Variants in PTPRK observed in about 807,000 individuals in gnomAD.
PTPRK encodes receptor-type tyrosine-protein phosphatase kappa.
PTPRK carries 75 observed loss-of-function variants against 178.0 expected under a neutral mutation model. That is an observed-to-expected ratio of 0.42 (90% confidence interval 0.35 to 0.51). The LOEUF (loss-of-function observed/expected upper bound fraction) is 0.51. PTPRK is among the 20% of genes least tolerant of loss of function. The pLI is 0.02. For missense variants in PTPRK, 1,441 were observed against 1,797.8 expected (o/e 0.80, Z 3.59); for synonymous variants, 637 against 620.6 (o/e 1.03, Z -0.39).
chr6:128,387,771 G>A (rs1838962942), intron 2 of PTPRK, among the ~76,000 whole-genome samples: 1 of 152,072 alleles, frequency 6.6e-6, no homozygotes, highest in Non-Finnish European at 1.5e-5. Flanking sequence ...GATAAGGTAA[G>A]CTTACTAGGG....
intron 1 of PTPRK, among the ~76,000 whole-genome samples, chr6:128,484,077 C>G (rs1852473376): frequency 6.6e-6 from 1 of 152,044 alleles, no homozygotes; most frequent in African/African-American, 2.4e-5. Context: ...AAGTGCCCTT[C>G]AAATATAATT....
chr6:128,402,182 A>G (rs1355698076), intron 1 of PTPRK, among the ~76,000 whole-genome samples: 2 of 152,240 alleles, frequency 1.3e-5, no homozygotes, highest in South Asian at 2.1e-4. Flanking sequence ...TCTATTGATA[A>G]TCTGAGTAAT....
rs533481551 is a variant in PTPRK, at chr6:128,198,511, T to C, written c.869-13786A>G. Among the ~76,000 whole-genome samples the C allele has an allele frequency of 3.1e-3, 478 of 152,174 alleles. 1 individual carries two copies. The highest frequency in any genetic ancestry group is 0.011 in the African/African-American group (467 of 41,530). ...TAGGGGAGGGATAGCATTAGGAGAATTACCTAATGTAGGTGATGGGTTGAT... is the reference window on the plus strand; with the variant it reads ...TAGGGGAGGGATAGCATTAGGAGAACTACCTAATGTAGGTGATGGGTTGAT... On this transcript the variant is annotated intron_variant, in intron 6 of 29. Coordinates refer to ENST00000368226, the MANE Select transcript of PTPRK (RefSeq NM_002844.4).
At chr6:128,213,824 A>T (rs1212218078) in intron 6 of PTPRK, among the ~76,000 whole-genome samples, 1 of 152,144 alleles carries the variant, frequency 6.6e-6, no homozygotes, top group Admixed American at 6.6e-5. Flanking sequence ...GGTCAAATCA[A>T]TATTATTTTT....
At chr6:128,321,531 A>T (rs1382461725) in intron 3 of PTPRK, 2 of 378,894 alleles carry the variant, frequency 5.3e-6, no homozygotes, top group Non-Finnish European at 9.3e-6. Context: ...TATTCAATTA[A>T]TTAATCAAAA....
At chr6:128,297,846 G>A (rs1401499139) in intron 3 of PTPRK, among the ~76,000 whole-genome samples, 1 of 152,126 alleles carries the variant, frequency 6.6e-6, no homozygotes, top group Non-Finnish European at 1.5e-5. Flanking sequence ...ACATTCAAAA[G>A]CTAGCGGAAG....
intron 7 of PTPRK, among the ~76,000 whole-genome samples, chr6:128,151,271 T>TA (rs1426666735): frequency 1.3e-5 from 2 of 152,086 alleles, no homozygotes; most frequent in Non-Finnish European, 2.9e-5. Context: ...ACTATATTTT[T>TA]AAAATCCCAT....
At position 128,270,869 on chromosome 6, in the gene PTPRK, G is replaced by A. The variant is rs144077904; in HGVS notation, c.496-28267C>T. ...TAAGGAGACATCAGTGTACCAATCA[G>A]GCATTAAGAGACCAATGCTTTGTTT... On this transcript the variant is annotated intron_variant, in intron 3 of 29. Coordinates refer to ENST00000368226, the MANE Select transcript of PTPRK (RefSeq NM_002844.4). Among the ~76,000 whole-genome samples, 481 of 152,086 alleles carry A rather than the reference G, an allele frequency of 3.2e-3. 3 individuals are homozygous for A. The highest frequency in any genetic ancestry group is 0.011 in the African/African-American group (452 of 41,516).
intron 3 of PTPRK, among the ~76,000 whole-genome samples, chr6:128,263,545 A>C (rs969916146): frequency 6.6e-6 from 1 of 152,230 alleles, no homozygotes; most frequent in Non-Finnish European, 1.5e-5. Flanking sequence ...AATACAGCAG[A>C]TATAAAGCAA....
At chr6:128,003,143 T>G in intron 15 of PTPRK, 2 of 1,527,176 alleles carry the variant, frequency 1.3e-6, no homozygotes, top group Non-Finnish European at 1.8e-6. Context: ...GGCAAACCCA[T>G]GCAAGGAGGT....
intron 3 of PTPRK, among the ~76,000 whole-genome samples, chr6:128,281,339 A>T (rs971784245): frequency 1.3e-5 from 2 of 152,228 alleles, no homozygotes; most frequent in Non-Finnish European, 2.9e-5. Flanking sequence ...CACTTATCCA[A>T]AAATGATCTG....
At chr6:128,029,127 C>T (rs551296559) in intron 13 of PTPRK, among the ~76,000 whole-genome samples, 1 of 152,226 alleles carries the variant, frequency 6.6e-6, no homozygotes, top group Non-Finnish European at 1.5e-5. Context: ...TTGGCTCTCT[C>T]ACGAATGCCT....
At chr6:128,148,873 A>G (rs1796869490) in intron 7 of PTPRK, among the ~76,000 whole-genome samples, 1 of 152,074 alleles carries the variant, frequency 6.6e-6, no homozygotes, top group Non-Finnish European at 1.5e-5. Flanking sequence ...TTTGCATGTT[A>G]ATTAGCCTTG....
intron 6 of PTPRK, among the ~76,000 whole-genome samples, chr6:128,196,855 T>C (rs116830289): frequency 0.028 from 4,336 of 152,232 alleles, 143 homozygotes; most frequent in African/African-American, 0.08. Flanking sequence ...CCTATCCTTT[T>C]CCACGCTCAG....
intron 14 of PTPRK, among the ~76,000 whole-genome samples, chr6:128,008,448 T>C (rs1452989145): frequency 1.3e-5 from 2 of 150,990 alleles, no homozygotes; most frequent in Non-Finnish European, 1.5e-5. Context: ...GCATTTTATA[T>C]AATGTACAAT....
At chr6:128,337,643 AC>A (rs2128329073) in intron 2 of PTPRK, among the ~76,000 whole-genome samples, 1 of 152,332 alleles carries the variant, frequency 6.6e-6, no homozygotes. Context: ...TCTAACAGAT[AC>A]CATTTCAGTA....
intron 2 of PTPRK, among the ~76,000 whole-genome samples, chr6:128,351,406 G>A (rs918704037): frequency 6.6e-6 from 1 of 151,958 alleles, no homozygotes; most frequent in Non-Finnish European, 1.5e-5. Context: ...AATATCTGAA[G>A]GAACATTTGA....
chr6:128,280,062 T>C (rs1821429078), intron 3 of PTPRK, among the ~76,000 whole-genome samples: 1 of 152,202 alleles, frequency 6.6e-6, no homozygotes, highest in African/African-American at 2.4e-5. Context: ...CATGCATGTA[T>C]GAATAATATC....
chr6:128,186,396 T>A (rs1802769584), intron 6 of PTPRK, among the ~76,000 whole-genome samples: 1 of 152,106 alleles, frequency 6.6e-6, no homozygotes, highest in African/African-American at 2.4e-5. Flanking sequence ...ACTGGGCTCA[T>A]GTTTAAAACA....
Sources: gnomAD v4.1 joint callset for allele counts (sites outside exome capture counted in the v4.1 genomes callset) on GRCh38, gnomAD v4.1.1 for gene constraint, MANE v1.5 for transcripts, NCBI Gene and HGNC (gene_info 2026-07-23, HGNC 2026-07-21) for gene names.